DAB1: variants seen among roughly 807,000 people sequenced by gnomAD.
DAB1 encodes disabled homolog 1.
DAB1 carries 15 observed loss-of-function variants against 64.6 expected under a neutral mutation model. That is an observed-to-expected ratio of 0.23 (90% confidence interval 0.16 to 0.36). The LOEUF is 0.36. Ranked by LOEUF, DAB1 falls within the 10% of genes least tolerant of loss-of-function variation. The probability of loss-of-function intolerance (pLI) is 1.00; values close to 1 mark genes in which losing one functional copy is unlikely to be tolerated. For missense variants in DAB1, 596 were observed against 706.7 expected, an observed-to-expected ratio of 0.84 and a Z score of 1.78; for synonymous variants, 235 against 251.9, an observed-to-expected ratio of 0.93 and a Z score of 0.64.
chr1:58,493,842 C>T (rs1323164490), intron 3 of DAB1, among the ~76,000 whole-genome samples: 1 of 151,918 alleles, frequency 6.6e-6, no homozygotes, highest in South Asian at 2.1e-4. Context: ...GCCATACTGC[C>T]CAAGGTAATT....
At chr1:57,792,515 T>C (rs1412889963) in intron 6 of DAB1, among the ~76,000 whole-genome samples, 1 of 152,214 alleles carries the variant, frequency 6.6e-6, no homozygotes, top group Non-Finnish European at 1.5e-5. Context: ...AAAGTTAGGA[T>C]GTCTTTTTCC....
intron 5 of DAB1, among the ~76,000 whole-genome samples, chr1:58,065,761 G>A (rs1557634497): frequency 6.6e-6 from 1 of 152,194 alleles, no homozygotes; most frequent in Non-Finnish European, 1.5e-5. Flanking sequence ...GCAGGGGTCA[G>A]CAGAGGGAGA....
At chr1:57,424,161 C>A (rs1685160412), upstream of DAB1, 1 of 148,878 alleles carries the variant, frequency 6.7e-6, no homozygotes, top group African/African-American at 2.4e-5. Context: ...CGCCGCCCCC[C>A]GCGCCCGCCC....
chr1:57,588,165 T>A (rs1645402257), intron 7 of DAB1, among the ~76,000 whole-genome samples: 2 of 152,218 alleles, frequency 1.3e-5, no homozygotes, highest in South Asian at 4.1e-4. Flanking sequence ...TCATTTTTAT[T>A]TCTCCATCCA....
chr1:57,894,742 C>A (rs1000575178), intron 5 of DAB1, among the ~76,000 whole-genome samples: 3 of 152,024 alleles, frequency 2.0e-5, no homozygotes, highest in Admixed American at 6.6e-5. Context: ...TTGTAAGGGG[C>A]AACAGCAAAA....
chr1:57,753,586 G>T (rs3131735), intron 6 of DAB1, among the ~76,000 whole-genome samples: 1 of 151,920 alleles, frequency 6.6e-6, no homozygotes, highest in East Asian at 1.9e-4. Flanking sequence ...ATAACAAAAA[G>T]GTGTTAGGTG....
At chr1:58,116,980 A>T (rs1170778569) in intron 5 of DAB1, among the ~76,000 whole-genome samples, 1 of 152,206 alleles carries the variant, frequency 6.6e-6, no homozygotes, top group Non-Finnish European at 1.5e-5. Flanking sequence ...TTGCGAGTGG[A>T]CTTCTAAGCC....
At chr1:58,321,035 G>A (rs1239562609) in intron 4 of DAB1, among the ~76,000 whole-genome samples, 1 of 152,214 alleles carries the variant, frequency 6.6e-6, no homozygotes, top group Non-Finnish European at 1.5e-5. Context: ...CTTAGCCCTT[G>A]GCTCTAGTAA....
At chr1:57,105,869 G>C (rs1360146234) in intron 4 of DAB1, among the ~76,000 whole-genome samples, 1 of 152,152 alleles carries the variant, frequency 6.6e-6, no homozygotes, top group Non-Finnish European at 1.5e-5. Context: ...TTGGAGGAAA[G>C]TGGACCTGGA....
chr1:57,901,019 C>A (rs749458951), intron 5 of DAB1, among the ~76,000 whole-genome samples: 26,322 of 152,052 alleles, frequency 0.17, 2,686 homozygotes, highest in Admixed American at 0.27. Flanking sequence ...AGTACTTTTA[C>A]ATATGTTAAC....
chr1:57,682,601 C>T (rs1646648457), intron 6 of DAB1, among the ~76,000 whole-genome samples: 1 of 151,926 alleles, frequency 6.6e-6, no homozygotes, highest in Non-Finnish European at 1.5e-5. Context: ...AGGGATAGCC[C>T]ATTCTCACCA....
intron 7 of DAB1, among the ~76,000 whole-genome samples, chr1:57,511,113 C>A (rs1644400206): frequency 6.6e-6 from 1 of 152,182 alleles, no homozygotes; most frequent in Non-Finnish European, 1.5e-5. Flanking sequence ...GCAATAGTCC[C>A]TAACTGGTCC....
At chr1:58,027,451 C>G (rs1214048520) in intron 5 of DAB1, among the ~76,000 whole-genome samples, 2 of 152,106 alleles carry the variant, frequency 1.3e-5, no homozygotes, top group South Asian at 4.2e-4. Flanking sequence ...TAATGATAGT[C>G]AGTGGCTGAC....
At chr1:57,585,815 T>A (rs1005763151) in intron 7 of DAB1, among the ~76,000 whole-genome samples, 4 of 152,254 alleles carry the variant, frequency 2.6e-5, no homozygotes, top group Non-Finnish European at 4.4e-5. Context: ...TAATAAGTTA[T>A]GGATAAATGT....
chr1:57,708,544 G>A (rs920547548), intron 6 of DAB1, among the ~76,000 whole-genome samples: 1 of 152,166 alleles, frequency 6.6e-6, no homozygotes, highest in African/African-American at 2.4e-5. Context: ...TGGCATGACT[G>A]CTACTCAAAT....
In DAB1 at chr1:57,937,958, T is replaced by G. The variant is rs1347168501; in HGVS notation, n.388-53796A>C. Among the ~76,000 whole-genome samples, 4 of 152,206 alleles carry G rather than the reference T, an allele frequency of 2.6e-5. No individual in the cohort carries two copies. In the East Asian group the frequency reaches 7.7e-4, roughly 29 times the overall value. ...TATCCTTGGGCCCTGTGCATGATGT[T>G]ACCTATAGTCAGGGCTAAGCTCTTG... On this transcript the variant is annotated intron_variant and non_coding_transcript_variant, in intron 5 of 20. Transcript: ENST00000485760.
At chr1:57,553,505 G>GAAAGAAGGAAGA (rs1553193812) in intron 7 of DAB1, among the ~76,000 whole-genome samples, 1 of 120,484 alleles carries the variant, frequency 8.3e-6, no homozygotes, top group East Asian at 2.6e-4. Flanking sequence ...AGGAAGGAAG[G>GAAAGAAGGAAGA]AAGAGAGAGA....
intron 3 of DAB1, among the ~76,000 whole-genome samples, chr1:58,427,057 C>T (rs1644828108): frequency 6.6e-6 from 1 of 152,100 alleles, no homozygotes; most frequent in African/African-American, 2.4e-5. Context: ...CAGGAGCGGT[C>T]AAGAAGCTAG....
At chr1:57,377,559 G>A (rs1166455775) in intron 1 of DAB1, among the ~76,000 whole-genome samples, 10 of 152,166 alleles carry the variant, frequency 6.6e-5, no homozygotes, top group Non-Finnish European at 1.3e-4. Flanking sequence ...CTGTGGCCAA[G>A]GGTATATTTG....
Sources: allele counts gnomAD v4.1 joint callset (sites outside exome capture counted in the v4.1 genomes callset), GRCh38; gene constraint gnomAD v4.1.1; transcripts MANE v1.5; gene names NCBI Gene and HGNC (gene_info 2026-07-23, HGNC 2026-07-21).